The following UGT2B4 variants were observed in gnomAD, a reference collection of about 807,000 sequenced individuals.
UGT2B4 encodes UDP-glucuronosyltransferase 2B4.
UGT2B4 carries 49 observed loss-of-function variants against 49.8 expected under a neutral mutation model. That is an observed-to-expected ratio of 0.98 (90% CI 0.78 to 1.25). UGT2B4 has a LOEUF of 1.25. Ranked by LOEUF, UGT2B4 falls within the 50% of genes most tolerant of loss-of-function variation. The pLI, the probability that UGT2B4 is intolerant of heterozygous loss-of-function variation, is 0.00. For synonymous variants in UGT2B4, 246 were observed against 217.7 expected, an observed-to-expected ratio of 1.13 and a Z score of -1.14; for missense variants, 729 against 627.7, an observed-to-expected ratio of 1.16 and a Z score of -1.73.
chr4:69,480,755 T>C lies in UGT2B4; in HGVS notation c.1466A>G (p.His489Arg). ...AAHDLTWFQY[H>R]SLDVTGFLLA... The stretch of plus-strand genomic sequence containing the variant: ...CAGGAACCCAGTCACATCCAAAGAG[T>C]GGTACTGGAACCAGGTGAGGTCGTG... The change falls in exon 6 of 6, where the codon CAC (histidine) becomes CGC (arginine). Residue 489 changes from histidine to arginine, a missense_variant. His to Arg is a conservative substitution (Grantham distance 29). Coordinates refer to ENST00000305107, the MANE Select transcript of UGT2B4 (RefSeq NM_021139.3). 1 of 1,613,414 alleles carries C rather than the reference T, an allele frequency of 6.2e-7. No individual in the cohort carries two copies. Among genetic ancestry groups the C allele is most frequent in the Non-Finnish European group, 8.5e-7 (1 of 1,179,820 alleles).
intron 1 of UGT2B4, among the ~76,000 whole-genome samples, chr4:69,508,525 A>T (rs887661793): frequency 3.9e-5 from 6 of 152,178 alleles, no homozygotes; most frequent in Admixed American, 1.3e-4. Context: ...GCAGCCAGGA[A>T]AAAAAGAATG....
intron 3 of UGT2B4, among the ~76,000 whole-genome samples, chr4:69,487,579 C>T (rs1727831208): frequency 6.6e-6 from 1 of 151,880 alleles, no homozygotes; most frequent in African/African-American, 2.4e-5. Flanking sequence ...ATAACATACA[C>T]TGGGGCTTAT....
chr4:69,496,949 GA>G (rs1342232064), upstream of UGT2B4, among the ~76,000 whole-genome samples: 254 of 14,646 alleles, frequency 0.017, no homozygotes, highest in African/African-American at 0.022. Flanking sequence ...AAAGGGAGGG[GA>G]AAAAAAAAAA....
Position 69,480,654 on chromosome 4 carries a change from T to C in UGT2B4, c.1567A>G (p.Lys523Glu). 6.2e-7 allele frequency: 1 copy of C among 1,614,094 alleles called. No individual in the cohort carries two copies. Among genetic ancestry groups the C allele is most frequent in the South Asian group, 1.1e-5 (1 of 91,072 alleles). Residue 523 changes from lysine (K) to glutamate (E), a missense_variant, in exon 6 of 6, where the codon AAG becomes GAG. Coordinates refer to ENST00000305107, the MANE Select transcript of UGT2B4 (RefSeq NM_021139.3). ...CGTAATTAATCTCTTTTCCCCTTCT[T>C]TCCTGTTCTAACAAACTTCCAGACA... ...FCVWKFVRTG[K>E]KGKRD
At chr4:69,525,105 A>G (rs2109837112) in intron 1 of UGT2B4, among the ~76,000 whole-genome samples, 1 of 152,338 alleles carries the variant, frequency 6.6e-6, no homozygotes, top group Non-Finnish European at 1.5e-5. Flanking sequence ...AATTTACAGG[A>G]AAAATAACCA....
At chr4:69,481,650 C>A (rs904075808) in intron 5 of UGT2B4, among the ~76,000 whole-genome samples, 21 of 152,152 alleles carry the variant, frequency 1.4e-4, no homozygotes, top group African/African-American at 5.1e-4. Flanking sequence ...AAGCATTTAT[C>A]TTTGTGTTAT....
rs150985916 is a variant in UGT2B4 at position 69,510,812 on chromosome 4, T to C, written c.-105-14846A>G. ...TGTTATATACTTTTATTTATTTTTA[T>C]TGTCTAATGGTTTCAGCTGGTACTC... On this transcript the variant is annotated intron_variant, in intron 1 of 1. Coordinates refer to the UGT2B4 transcript ENST00000510114. Among the ~76,000 whole-genome samples, 23 of 152,120 alleles carry C rather than the reference T, an allele frequency of 1.5e-4. No individual in the cohort carries two copies. The East Asian group carries it at 4.1e-3, about 27-fold the overall frequency.
At chr4:69,510,046 G>A (rs1259203774) in intron 1 of UGT2B4, among the ~76,000 whole-genome samples, 1 of 151,982 alleles carries the variant, frequency 6.6e-6, no homozygotes, top group Admixed American at 6.6e-5. Context: ...GAATAGTAAG[G>A]ATAAAATTTT....
At chr4:69,523,242 T>A (rs557311471) in intron 1 of UGT2B4, among the ~76,000 whole-genome samples, 3 of 151,894 alleles carry the variant, frequency 2.0e-5, no homozygotes, top group African/African-American at 7.2e-5. Context: ...TTACAGAACG[T>A]TTTCAATTTA....
intron 1 of UGT2B4, among the ~76,000 whole-genome samples, chr4:69,515,142 G>T (rs1335756380): frequency 6.6e-6 from 1 of 151,980 alleles, no homozygotes; most frequent in Non-Finnish European, 1.5e-5. Flanking sequence ...AGGTATTAAG[G>T]GCCTTAACTT....
chr4:69,495,678 T>C lies in UGT2B4; in HGVS notation c.184A>G (p.Ile62Val), dbSNP rs199905057. 9.7e-5 allele frequency: 157 copies of C among 1,613,896 alleles called. No homozygotes were observed. Among genetic ancestry groups the C allele is most frequent in the Non-Finnish European group, 1.3e-4 (150 of 1,179,976 alleles). Residue 62 changes from isoleucine to valine, a missense_variant, in exon 1 of 6, where the codon ATT becomes GTT. Transcript: ENST00000305107. The stretch of plus-strand genomic sequence containing the variant: ...GATGGGCTGTTGGGATCGAAAGAAA[T>C]GGAAGCTGAAGATGCCAATACAGTC... ...EVTVLASSAS[I>V]SFDPNSPSTL...
rs951662136 is a variant in UGT2B4 at position 69,480,499 on chromosome 4, T to C, written c.*135A>G. 2.5e-5 allele frequency: 35 copies of C among 1,398,852 alleles called. No homozygotes were observed. The African/African-American group carries it at 4.8e-4, about 19-fold the overall frequency. 86.7% of individuals were successfully genotyped at this position (1,398,852 alleles called of 1,614,324 possible). On this transcript the variant is annotated 3_prime_UTR_variant, in exon 6 of 6. Coordinates refer to ENST00000305107, the MANE Select transcript of UGT2B4 (RefSeq NM_021139.3). Reference sequence around the variant, plus strand: ...GTTAAACAGGTACTAAAACAAATTTTGACTTGACAAGGTAAGTTTTGAAAG... The same window carrying C: ...GTTAAACAGGTACTAAAACAAATTTCGACTTGACAAGGTAAGTTTTGAAAG...
chr4:69,514,253 G>A (rs1728677046), intron 1 of UGT2B4, among the ~76,000 whole-genome samples: 1 of 151,948 alleles, frequency 6.6e-6, no homozygotes, highest in Admixed American at 6.6e-5. Context: ...CACAACCCAC[G>A]ACAGGCCCCA....
upstream of UGT2B4, among the ~76,000 whole-genome samples, chr4:69,498,576 T>A (rs909398813): frequency 6.6e-6 from 1 of 151,880 alleles, no homozygotes; most frequent in African/African-American, 2.4e-5. Flanking sequence ...ATAGGTCTCA[T>A]CTTATTCTCA....
At chr4:69,521,573 T>C (rs1728850471) in intron 1 of UGT2B4, among the ~76,000 whole-genome samples, 1 of 152,174 alleles carries the variant, frequency 6.6e-6, no homozygotes, top group Non-Finnish European at 1.5e-5. Context: ...GACCTTGCAC[T>C]CATTCTTCTA....
In UGT2B4 at chr4:69,481,114, A is replaced by G. The variant is rs1230383034; in HGVS notation, c.1311-204T>C. Among the ~76,000 whole-genome samples the G allele has an allele frequency of 5.5e-5, 8 of 146,214 alleles. 1 individual carries two copies. In the South Asian group the frequency reaches 1.7e-3, roughly 32 times the overall value. On this transcript the variant is annotated intron_variant, in intron 5 of 5. Coordinates refer to ENST00000305107, the MANE Select transcript of UGT2B4 (RefSeq NM_021139.3). The stretch of plus-strand genomic sequence containing the variant: ...ATGAAAAAAAAAAAAAAAAAAAAAA[A>G]AAAGATTACCCAGGCGTGGTGGCAT...
intron 1 of UGT2B4, among the ~76,000 whole-genome samples, chr4:69,522,543 A>C (rs968075459): frequency 6.6e-6 from 1 of 152,232 alleles, no homozygotes. Context: ...AATAATGTAC[A>C]CACCTCAATT....
chr4:69,488,912 C>A (rs1228702738), intron 3 of UGT2B4, among the ~76,000 whole-genome samples: 1 of 151,948 alleles, frequency 6.6e-6, no homozygotes, highest in Non-Finnish European at 1.5e-5. Flanking sequence ...TGAATAGTAC[C>A]CTGAATATCA....
intron 1 of UGT2B4, among the ~76,000 whole-genome samples, chr4:69,504,112 C>A (rs556445298): frequency 6.6e-6 from 1 of 152,158 alleles, no homozygotes; most frequent in South Asian, 2.1e-4. Context: ...GACAGGCCCA[C>A]AAAGGTAAAA....
Sources: gnomAD v4.1 joint callset for allele counts (sites outside exome capture counted in the v4.1 genomes callset) on GRCh38, gnomAD v4.1.1 for gene constraint, MANE v1.5 for transcripts, NCBI Gene and HGNC (gene_info 2026-07-23, HGNC 2026-07-21) for gene names.